The following TP63 variants were observed in gnomAD, a reference collection of about 807,000 sequenced individuals.
TP63 encodes tumor protein 63.
TP63 carries 17 observed loss-of-function variants against 82.8 expected under a neutral mutation model. The ratio of observed to expected loss-of-function variants is 0.21; its 90% CI spans 0.14 to 0.31. The LOEUF is 0.31. TP63 is among the 10% of genes least tolerant of loss of function. TP63 has a pLI of 1.00. For synonymous variants in TP63, 330 were observed against 321.7 expected (o/e 1.03, Z -0.28); for missense variants, 648 against 895.3 (o/e 0.72, Z 3.52).
At chr3:189,682,905 C>G (rs1716104168) in intron 1 of TP63, among the ~76,000 whole-genome samples, 1 of 152,000 alleles carries the variant, frequency 6.6e-6, no homozygotes, top group Non-Finnish European at 1.5e-5. Flanking sequence ...CTGAATTATG[C>G]AAGAATGGTT....
At chr3:189,703,146 C>G (rs750626626) in intron 1 of TP63, among the ~76,000 whole-genome samples, 28 of 152,280 alleles carry the variant, frequency 1.8e-4, no homozygotes, top group Admixed American at 5.9e-4. Context: ...TCACAAACTT[C>G]TCTCAGGCCG....
intron 1 of TP63, among the ~76,000 whole-genome samples, chr3:189,726,906 A>G (rs1719817660): frequency 1.3e-5 from 2 of 152,352 alleles, no homozygotes; most frequent in Admixed American, 6.5e-5. Context: ...GGGCCAGAAA[A>G]TATTTTTGAC....
intron 3 of TP63, among the ~76,000 whole-genome samples, chr3:189,784,874 G>A (rs989030201): frequency 6.6e-6 from 1 of 152,024 alleles, no homozygotes; most frequent in East Asian, 1.9e-4. Flanking sequence ...GGCAGGAGAG[G>A]AAGGTAAACA....
intron 3 of TP63, among the ~76,000 whole-genome samples, chr3:189,798,289 C>G (rs1725930944): frequency 6.6e-6 from 1 of 152,032 alleles, no homozygotes; most frequent in East Asian, 1.9e-4. Flanking sequence ...TGCAGGTAAA[C>G]CAAATTGTGT....
chr3:189,882,782 T>C (rs1720064983), intron 10 of TP63, among the ~76,000 whole-genome samples: 1 of 152,188 alleles, frequency 6.6e-6, no homozygotes, highest in Non-Finnish European at 1.5e-5. Context: ...GTCCTATATG[T>C]CCTAAAACCA....
intron 1 of TP63, among the ~76,000 whole-genome samples, chr3:189,717,912 A>C (rs993105863): frequency 7.9e-5 from 12 of 152,256 alleles, no homozygotes; most frequent in Non-Finnish European, 1.8e-4. Flanking sequence ...GAATGTGTTA[A>C]TGTGGAAAAA....
At chr3:189,685,922 A>C (rs192009573) in intron 1 of TP63, among the ~76,000 whole-genome samples, 7 of 152,258 alleles carry the variant, frequency 4.6e-5, no homozygotes, top group Admixed American at 4.6e-4. Context: ...AGGGGGATAA[A>C]ATGGTGAGAA....
chr3:189,859,193 A>G (rs917221632), intron 4 of TP63, among the ~76,000 whole-genome samples: 4 of 152,222 alleles, frequency 2.6e-5, no homozygotes, highest in Non-Finnish European at 5.9e-5. Flanking sequence ...TTTGATCATT[A>G]TACAATATAG....
chr3:189,644,635 T>C (rs917084989), intron 1 of TP63, among the ~76,000 whole-genome samples: 2 of 152,122 alleles, frequency 1.3e-5, no homozygotes, highest in Admixed American at 6.6e-5. Flanking sequence ...ACCTAAGCAG[T>C]CCACACTGTA....
intron 1 of TP63, among the ~76,000 whole-genome samples, chr3:189,674,383 C>G (rs796399331): frequency 3.9e-4 from 59 of 151,990 alleles, no homozygotes; most frequent in African/African-American, 1.4e-3. Flanking sequence ...AAACAGAAAC[C>G]CAGACAGGAA....
At chr3:189,619,520 T>A in the TP63 span, among the ~76,000 whole-genome samples, 4 of 152,202 alleles carry the variant, frequency 2.6e-5, no homozygotes, top group Admixed American at 6.5e-5. Context: ...TTAGCTTTGT[T>A]TTTGCAAAGA....
At chr3:189,819,418 A>G (rs570545192) in intron 4 of TP63, among the ~76,000 whole-genome samples, 5 of 152,094 alleles carry the variant, frequency 3.3e-5, no homozygotes, top group East Asian at 1.9e-4. Flanking sequence ...AGCATTAGGT[A>G]TATCTCCTAA....
chr3:189,710,934 T>C (rs1718550264), intron 1 of TP63, among the ~76,000 whole-genome samples: 2 of 152,206 alleles, frequency 1.3e-5, no homozygotes. Context: ...TCCTAGAGTT[T>C]TAACAGCACA....
the TP63 span, among the ~76,000 whole-genome samples, chr3:189,623,588 A>C: frequency 6.6e-6 from 1 of 152,008 alleles, no homozygotes. Flanking sequence ...TTGTTGATCA[A>C]CTTGTTACCA....
intron 1 of TP63, among the ~76,000 whole-genome samples, chr3:189,666,807 T>TATA (rs1667662328): frequency 1.3e-5 from 2 of 151,972 alleles, no homozygotes; most frequent in Admixed American, 6.6e-5. Context: ...ATGAAATGAG[T>TATA]ATAATACTAT....
intron 1 of TP63, among the ~76,000 whole-genome samples, chr3:189,715,968 T>G (rs1718927782): frequency 6.6e-6 from 1 of 152,208 alleles, no homozygotes; most frequent in Non-Finnish European, 1.5e-5. Context: ...GTGATAACAA[T>G]TACCTACCAT....
chr3:189,875,613 T>TATATATATATATATACAC (rs1553859704), intron 10 of TP63, among the ~76,000 whole-genome samples: 3 of 105,506 alleles, frequency 2.8e-5, no homozygotes, highest in African/African-American at 1.2e-4. Flanking sequence ...TATATATATA[T>TATATATATATATATACAC]ATATATATAT....
intron 4 of TP63, among the ~76,000 whole-genome samples, chr3:189,850,906 T>C (rs1715545159): frequency 1.3e-5 from 2 of 152,238 alleles, no homozygotes; most frequent in Admixed American, 1.3e-4. Flanking sequence ...TGTGATTTAT[T>C]TTAAATGGTT....
At chr3:189,631,130 A>G (rs1010856678), upstream of TP63, 12 of 675,208 alleles carry the variant, frequency 1.8e-5, no homozygotes, top group African/African-American at 2.1e-4. Flanking sequence ...GATGCCATTC[A>G]TGCCAGCATC....
Sources: gnomAD v4.1 joint callset for allele counts (sites outside exome capture counted in the v4.1 genomes callset) on GRCh38, gnomAD v4.1.1 for gene constraint, MANE v1.5 for transcripts, NCBI Gene and HGNC (gene_info 2026-07-23, HGNC 2026-07-21) for gene names.